The following SLC22A16 variants were observed in gnomAD, a reference collection of about 807,000 sequenced individuals.
SLC22A16 encodes the protein solute carrier family 22 member 16, also known as WUGSC:RG331P03.1.
In SLC22A16, 53 loss-of-function variants were observed where a neutral mutation model predicts 52.9. The observed-to-expected ratio is 1.00, with a 90% CI of 0.80 to 1.26. SLC22A16 has a LOEUF of 1.26. Among genes scored for constraint, SLC22A16 ranks in the 50% most tolerant of loss-of-function variants. The pLI, the probability that SLC22A16 is intolerant of heterozygous loss-of-function variation, is 0.00. For synonymous variants in SLC22A16, 291 were observed against 268.8 expected, an observed-to-expected ratio of 1.08 and a Z score of -0.81; for missense variants, 726 against 704.0, an observed-to-expected ratio of 1.03 and a Z score of -0.35.
Position 110,434,776 on chromosome 6 carries a change from G to A in SLC22A16, c.1421+1076C>T, listed in dbSNP as rs181330999. 1.3e-3 allele frequency among the ~76,000 whole-genome samples: 198 copies of A among 152,178 alleles called. 1 individual carries two copies. Among genetic ancestry groups the A allele is most frequent in the African/African-American group, 4.4e-3 (182 of 41,510 alleles). On this transcript the variant is annotated intron_variant, in intron 6 of 7. Transcript: ENST00000368919. ...TGGCGGATCACGAGGTCAGGAGTTC[G>A]AGACCAGCCTGACCAACATGGTGAA...
chr6:110,456,313 C>T (rs1347218306), intron 2 of SLC22A16: 3 of 552,412 alleles, frequency 5.4e-6, no homozygotes, highest in African/African-American at 3.8e-5. Context: ...TGCCTGGGGT[C>T]CACAGTTAAT....
chr6:110,438,885 C>T (rs758238100), intron 4 of SLC22A16, 38 bp from the exon 5 acceptor site: 1 of 1,608,740 alleles, frequency 6.2e-7, no homozygotes, highest in African/African-American at 1.3e-5. Flanking sequence ...AGTCTAGGTA[C>T]CCGACTGCAA....
intron 4 of SLC22A16, among the ~76,000 whole-genome samples, chr6:110,440,670 A>G (rs1485696537): frequency 1.3e-5 from 2 of 152,176 alleles, no homozygotes; most frequent in African/African-American, 2.4e-5. Context: ...TCATTTATTC[A>G]GGAGGCTGAA....
intron 1 of SLC22A16, chr6:110,475,993 G>C: frequency 2.2e-6 from 1 of 456,440 alleles, no homozygotes; most frequent in Non-Finnish European, 4.4e-6. Flanking sequence ...GTAAGCGCCA[G>C]GTACAGTGTA....
At chr6:110,441,913 G>T (rs1428560569) in intron 4 of SLC22A16, among the ~76,000 whole-genome samples, 10 of 152,058 alleles carry the variant, frequency 6.6e-5, no homozygotes, top group Non-Finnish European at 1.5e-5. Flanking sequence ...ACATTCTCAG[G>T]ACCCTCAGTT....
In SLC22A16 at chr6:110,424,698, G is replaced by T; in HGVS notation, c.*175C>A. The T allele has an allele frequency of 1.3e-6, 1 of 765,732 alleles. No homozygotes were observed. Among genetic ancestry groups the T allele is most frequent in the Non-Finnish European group, 2.0e-6 (1 of 505,104 alleles). The allele number at this position is 765,732 out of a possible 1,614,324, so 47.4% of individuals were successfully genotyped here. ...CAATAAGAAAGCAGTTTTTAAAACTGAGAATTTTCATCTTAGTTTTTATTT... is the reference window on the plus strand; with the variant it reads ...CAATAAGAAAGCAGTTTTTAAAACTTAGAATTTTCATCTTAGTTTTTATTT... On this transcript the variant is annotated 3_prime_UTR_variant, in exon 8 of 8. Transcript: ENST00000368919.
Position 110,434,853 on chromosome 6 carries a change from G to C in SLC22A16, c.1421+999C>G, listed in dbSNP as rs183027831. ...ATTAGCCGGGTGTAGTGGCATGCAC[G>C]TGTAATCCCAGCTACTCTGGAGGCT... On this transcript the variant is annotated intron_variant, in intron 6 of 7. Coordinates refer to ENST00000368919, the MANE Select transcript of SLC22A16 (RefSeq NM_033125.4). 8.5e-5 allele frequency among the ~76,000 whole-genome samples: 13 copies of C among 152,130 alleles called. No individual in the cohort carries two copies. The South Asian group carries it at 2.7e-3, about 32-fold the overall frequency.
chr6:110,432,191 C>CT (rs1418379112), intron 6 of SLC22A16, among the ~76,000 whole-genome samples: 2 of 152,144 alleles, frequency 1.3e-5, no homozygotes, highest in African/African-American at 4.8e-5. Context: ...GTATGGCATT[C>CT]TTCTGAGAAA....
chr6:110,425,008 T>C lies in SLC22A16; in HGVS notation c.1599A>G (p.Ala533=), dbSNP rs759785699. ...KLPETLGKRL[A]TTWEEAAKLE... ...GTTTTGCAGCCTCCTCCCAAGTAGTTGCTAGCCGTTTCCCAAGGGTTTCTG... is the reference window on the plus strand; with the variant it reads ...GTTTTGCAGCCTCCTCCCAAGTAGTCGCTAGCCGTTTCCCAAGGGTTTCTG... The change falls in exon 8 of 8, where the codon GCA becomes GCG. Residue 533 remains alanine (A), a synonymous_variant. Coordinates refer to ENST00000368919, the MANE Select transcript of SLC22A16 (RefSeq NM_033125.4). 2.5e-6 allele frequency: 4 copies of C among 1,614,086 alleles called. No individual in the cohort carries two copies. The highest frequency in any genetic ancestry group is 8.5e-7 in the Non-Finnish European group (1 of 1,180,048).
At chr6:110,426,329 A>G (rs1774254628) in intron 7 of SLC22A16, among the ~76,000 whole-genome samples, 1 of 152,196 alleles carries the variant, frequency 6.6e-6, no homozygotes, top group Admixed American at 6.5e-5. Context: ...TGGAAGATCC[A>G]GAACAGAATG....
chr6:110,460,128 A>T (rs535632085), intron 1 of SLC22A16, among the ~76,000 whole-genome samples: 1 of 152,262 alleles, frequency 6.6e-6, no homozygotes, highest in African/African-American at 2.4e-5. Flanking sequence ...GACACATGTG[A>T]TCTCCATCGC....
At position 110,442,237 on chromosome 6, in the gene SLC22A16, T is replaced by C; in HGVS notation, c.1183+7A>G. ...CTGCCAAATTTAAATATACTGTAACTACTTACCCAGGAGGAAGAGGTTTAA... is the reference window on the plus strand; with the variant it reads ...CTGCCAAATTTAAATATACTGTAACCACTTACCCAGGAGGAAGAGGTTTAA... On this transcript the variant is annotated splice_region_variant and intron_variant, in intron 4 of 7. Transcript: ENST00000368919. 1 of 1,611,710 alleles carries C rather than the reference T, an allele frequency of 6.2e-7. No individual in the cohort carries two copies. Among genetic ancestry groups the C allele is most frequent in the Non-Finnish European group, 8.5e-7 (1 of 1,178,780 alleles).
chr6:110,435,422 A>G (rs1274963168), intron 6 of SLC22A16, among the ~76,000 whole-genome samples: 1 of 152,070 alleles, frequency 6.6e-6, no homozygotes, highest in Non-Finnish European at 1.5e-5. Context: ...ACCTGCCGAC[A>G]CCTTGTTCTT....
Position 110,475,899 on chromosome 6 carries a change from G to T in SLC22A16, c.53+623C>A, listed in dbSNP as rs762282727. 6.6e-6 allele frequency: 3 copies of T among 456,578 alleles called. No individual in the cohort carries two copies. The Admixed American group carries it at 7.0e-5, about 11-fold the overall frequency. 28.3% of individuals were successfully genotyped at this position (456,578 alleles called of 1,614,324 possible). A position where few individuals can be genotyped will look rare whatever the true frequency, so the allele number is the denominator to read the frequency against. On this transcript the variant is annotated intron_variant, in intron 1 of 7. Transcript: ENST00000368919. Reference sequence around the variant, plus strand: ...GCGTTGGCTATGAGTCCTTGACCCCGCCAGCTTGTTTCCCAATCACTAAAA... The same window carrying T: ...GCGTTGGCTATGAGTCCTTGACCCCTCCAGCTTGTTTCCCAATCACTAAAA...
At chr6:110,425,185 G>A in intron 7 of SLC22A16, 100 bp from the exon 8 acceptor site, 1 of 1,543,240 alleles carries the variant, frequency 6.5e-7, no homozygotes. Context: ...TAATGGATTT[G>A]AATTTGACAT....
At chr6:110,456,514 A>G (rs913526970) in intron 2 of SLC22A16, 24 bp downstream of exon 2, 7 of 1,611,152 alleles carry the variant, frequency 4.3e-6, no homozygotes, top group Admixed American at 1.7e-5. Flanking sequence ...CACTGATACA[A>G]CAATCCTAAA....
At chr6:110,452,875 G>A (rs528743482) in intron 2 of SLC22A16, among the ~76,000 whole-genome samples, 14 of 152,014 alleles carry the variant, frequency 9.2e-5, no homozygotes, top group Non-Finnish European at 1.9e-4. Context: ...CCTCTAATAC[G>A]TTAATGTGGT....
At chr6:110,467,137 T>C (rs1776097474) in intron 1 of SLC22A16, among the ~76,000 whole-genome samples, 2 of 152,252 alleles carry the variant, frequency 1.3e-5, no homozygotes, top group South Asian at 4.1e-4. Context: ...AATTCTCACA[T>C]TTTGAGACCT....
chr6:110,456,553 C>T lies in SLC22A16; in HGVS notation c.518G>A (p.Gly173Asp), dbSNP rs749587184. 1.2e-6 allele frequency: 2 copies of T among 1,613,856 alleles called. No individual in the cohort carries two copies. The highest frequency in any genetic ancestry group is 1.7e-6 in the Non-Finnish European group (2 of 1,179,786). ...FGVLLGSVTF[G>D]YFSDRLGRRV... ...TTGATTTTACCTGTCAGAAAAGTAG[C>T]CAAAAGTCACCGATCCCAGTAGGAC... Residue 173 changes from glycine (G) to aspartate (D), a missense_variant, in exon 2 of 8, where the codon GGC (glycine) becomes GAC (aspartate). By Grantham distance (94) the Gly-to-Asp change is moderately conservative (BLOSUM62 -1). Transcript: ENST00000368919.
Sources: allele counts gnomAD v4.1 joint callset (sites outside exome capture counted in the v4.1 genomes callset), GRCh38; gene constraint gnomAD v4.1.1; transcripts MANE v1.5; gene names NCBI Gene and HGNC (gene_info 2026-07-23, HGNC 2026-07-21).